Variants in DOP1A observed in about 807,000 individuals in gnomAD.
DOP1A encodes protein DOP1A.
A neutral mutation model predicts 267.6 loss-of-function variants in DOP1A; 90 were observed. That is an observed-to-expected ratio of 0.34 (90% confidence interval 0.28 to 0.40). The LOEUF (loss-of-function observed/expected upper bound fraction) is 0.40, where lower values mean the gene tolerates loss of function less well. Among genes scored for constraint, DOP1A ranks in the 10% least tolerant of loss-of-function variants. The probability of loss-of-function intolerance (pLI) is 1.00; values close to 1 mark genes in which losing one functional copy is unlikely to be tolerated. For missense variants in DOP1A, 2,437 were observed against 2,900.4 expected (o/e 0.84, Z 3.67); for synonymous variants, 932 against 999.1 (o/e 0.93, Z 1.27).
At chr6:83,079,467 C>T (rs780282039) in intron 1 of DOP1A, among the ~76,000 whole-genome samples, 27 of 151,954 alleles carry the variant, frequency 1.8e-4, no homozygotes, top group Non-Finnish European at 3.1e-4. Flanking sequence ...TTGGAACACA[C>T]TAGGAAGTAT....
chr6:83,083,752 A>G (rs187150928), intron 1 of DOP1A, among the ~76,000 whole-genome samples: 3 of 152,310 alleles, frequency 2.0e-5, no homozygotes, highest in Admixed American at 6.5e-5. Context: ...TTTGTAACTC[A>G]AGGGTATGTG....
chr6:83,084,573 G>GT (rs56692785), intron 1 of DOP1A, among the ~76,000 whole-genome samples: 13 of 151,406 alleles, frequency 8.6e-5, no homozygotes, highest in South Asian at 2.1e-4. Context: ...TAAGTAGTTT[G>GT]TTTTTTTTGT....
intron 1 of DOP1A, among the ~76,000 whole-genome samples, chr6:83,069,826 T>A (rs1785304840): frequency 6.6e-6 from 1 of 152,180 alleles, no homozygotes; most frequent in Non-Finnish European, 1.5e-5. Context: ...TGAAGACTTG[T>A]TGATAATGGC....
At chr6:83,124,908 C>T (rs1776914265) in intron 13 of DOP1A, 89 bp downstream of exon 13, 1 of 1,070,478 alleles carries the variant, frequency 9.3e-7, no homozygotes, top group African/African-American at 1.6e-5. Context: ...AGATACATTT[C>T]ATCTTTAAAA....
intron 1 of DOP1A, among the ~76,000 whole-genome samples, chr6:83,093,019 G>A (rs761278511): frequency 6.6e-6 from 1 of 152,192 alleles, no homozygotes; most frequent in African/African-American, 2.4e-5. Flanking sequence ...ATGGGGTGGG[G>A]AAGAAGTACT....
chr6:83,146,990 T>G (rs980873968), intron 25 of DOP1A, among the ~76,000 whole-genome samples: 4 of 152,170 alleles, frequency 2.6e-5, no homozygotes, highest in African/African-American at 9.6e-5. Flanking sequence ...TTCTGATATA[T>G]GGAAGGAAAA....
Position 83,166,593 on chromosome 6 carries a change from A to G in DOP1A, c.7093-1269A>G, listed in dbSNP as rs188547508. 122 of 665,870 alleles carry G rather than the reference A, an allele frequency of 1.8e-4. No homozygotes were observed. The East Asian group carries it at 3.2e-3, about 17-fold the overall frequency. The allele number at this position is 665,870 out of a possible 1,614,324, so 41.2% of individuals were successfully genotyped here. ...GTGAGAAATATGCTTAAAATGATGT[A>G]TAACATAACCACATTTATTTAAGAA... On this transcript the variant is annotated intron_variant, in intron 38 of 38. Transcript: ENST00000349129.
intron 18 of DOP1A, among the ~76,000 whole-genome samples, chr6:83,133,402 G>A (rs1018809353): frequency 2.0e-5 from 3 of 151,892 alleles, no homozygotes; most frequent in Admixed American, 6.6e-5. Flanking sequence ...GGCTTCATAA[G>A]AAAAGCCTGT....
In DOP1A at chr6:83,151,582, G is replaced by T; in HGVS notation, c.5838-11G>T. 1.3e-6 allele frequency: 2 copies of T among 1,581,170 alleles called. No homozygotes were observed. Among genetic ancestry groups the T allele is most frequent in the Non-Finnish European group, 8.6e-7 (1 of 1,168,450 alleles). ...TATTTCCCGTTTCTGTTTTCTCTTTGGCCCTTTTAGGGTTCTGAATGAGTT... is the reference window on the plus strand; with the variant it reads ...TATTTCCCGTTTCTGTTTTCTCTTTTGCCCTTTTAGGGTTCTGAATGAGTT... On this transcript the variant is annotated splice_polypyrimidine_tract_variant and intron_variant, in intron 27 of 38. Transcript: ENST00000349129.
downstream of DOP1A, chr6:83,169,122 T>C: frequency 6.6e-7 from 1 of 1,510,856 alleles, no homozygotes. Flanking sequence ...GACAATCCAG[T>C]AGGCTGCATT....
chr6:83,162,657 C>A, intron 37 of DOP1A, 133 bp from the exon 38 acceptor site: 1 of 962,428 alleles, frequency 1.0e-6, no homozygotes, highest in Non-Finnish European at 1.5e-6. Flanking sequence ...AGTGACAAGG[C>A]TACGAGTGGC....
At chr6:83,068,805 A>T (rs1343717700) in intron 1 of DOP1A, among the ~76,000 whole-genome samples, 1 of 152,370 alleles carries the variant, frequency 6.6e-6, no homozygotes, top group East Asian at 1.9e-4. Context: ...GGCCGACTGA[A>T]GTTATGAGTA....
chr6:83,159,011 A>G (rs1752374142), intron 36 of DOP1A, among the ~76,000 whole-genome samples: 1 of 152,180 alleles, frequency 6.6e-6, no homozygotes, highest in Non-Finnish European at 1.5e-5. Flanking sequence ...AATTTAATAT[A>G]CTTTTATTCT....
chr6:83,157,062 TG>T, intron 34 of DOP1A, 119 bp from the exon 35 acceptor site: 1 of 924,074 alleles, frequency 1.1e-6, no homozygotes, highest in Non-Finnish European at 1.6e-6. Flanking sequence ...ACAACAGTTT[TG>T]AATTTTTTTA....
chr6:83,170,262 A>T (rs1269192602), downstream of DOP1A: 1 of 1,573,242 alleles, frequency 6.4e-7, no homozygotes, highest in Admixed American at 1.7e-5. Flanking sequence ...CCTGCCCATC[A>T]CCTAATATTA....
At chr6:83,153,167 A>G (rs1200167613) in intron 30 of DOP1A, among the ~76,000 whole-genome samples, 2 of 151,946 alleles carry the variant, frequency 1.3e-5, no homozygotes, top group Admixed American at 6.6e-5. Context: ...TTTTTTTCCT[A>G]AACTACATTT....
At chr6:83,140,554 C>T (rs564466686) in intron 23 of DOP1A, 151 bp downstream of exon 23, 25 of 666,730 alleles carry the variant, frequency 3.7e-5, no homozygotes, top group African/African-American at 2.2e-4. Flanking sequence ...CTATGGCTGA[C>T]GTATCATAGA....
chr6:83,073,033 A>G, intron 1 of DOP1A: 3 of 340,672 alleles, frequency 8.8e-6, no homozygotes, highest in South Asian at 2.3e-5. Flanking sequence ...TGTTTGAATG[A>G]CTTCCATATT....
rs201264098 is a variant in DOP1A, at chr6:83,142,010, T to C, written c.5505T>C (p.Asn1835=). Residue 1835 remains asparagine, a synonymous_variant, in exon 24 of 39, where the codon AAT becomes AAC. Transcript: ENST00000349129. ...HFMAAIAFVW[N]ERRQNKTTTR... The stretch of plus-strand genomic sequence containing the variant: ...TGGCTGCCATTGCATTTGTGTGGAA[T>C]GAAAGAAGACAGAATAAAACAACCA... 7 of 1,612,712 alleles carry C rather than the reference T, an allele frequency of 4.3e-6. No individual in the cohort carries two copies. The highest frequency in any genetic ancestry group is 5.9e-6 in the Non-Finnish European group (7 of 1,179,612).
Sources: gnomAD v4.1 joint callset for allele counts (sites outside exome capture counted in the v4.1 genomes callset) on GRCh38, gnomAD v4.1.1 for gene constraint, MANE v1.5 for transcripts, NCBI Gene and HGNC (gene_info 2026-07-23, HGNC 2026-07-21) for gene names.